The following TMEM217B variants were observed in gnomAD, a reference collection of about 807,000 sequenced individuals.
TMEM217B encodes the protein putative transmembrane protein 217B.
the TMEM217B span, among the ~76,000 whole-genome samples, chr6:37,229,283 C>T: frequency 6.8e-6 from 1 of 148,130 alleles, no homozygotes; most frequent in Non-Finnish European, 1.5e-5. Context: ...TGTGGGAGGT[C>T]GCTCTTCAAC....
chr6:37,238,325 T>C, the TMEM217B span, among the ~76,000 whole-genome samples: 2 of 152,220 alleles, frequency 1.3e-5, no homozygotes, highest in African/African-American at 2.4e-5. Context: ...ATTTTTACTT[T>C]ATGCCAAGGA....
At chr6:37,251,194 T>C in the TMEM217B span, among the ~76,000 whole-genome samples, 2 of 152,372 alleles carry the variant, frequency 1.3e-5, no homozygotes, top group South Asian at 4.1e-4. Flanking sequence ...TTTTGTTTTT[T>C]ATTTTTTCAT....
the TMEM217B span, among the ~76,000 whole-genome samples, chr6:37,244,096 C>T: frequency 6.6e-6 from 1 of 152,238 alleles, no homozygotes; most frequent in East Asian, 1.9e-4. Context: ...TTTAGTAGAA[C>T]TCAGGCCCCT....
At chr6:37,221,652 AT>A in the TMEM217B span, among the ~76,000 whole-genome samples, 2 of 152,370 alleles carry the variant, frequency 1.3e-5, no homozygotes, top group South Asian at 4.1e-4. Context: ...ACCATAGAAA[AT>A]GACCTAGTGT....
At chr6:37,226,257 TTTA>T in the TMEM217B span, among the ~76,000 whole-genome samples, 1 of 150,174 alleles carries the variant, frequency 6.7e-6, no homozygotes, top group Non-Finnish European at 1.5e-5. Flanking sequence ...TTTGTTTTGT[TTTA>T]TTTTGTTTTT....
the TMEM217B span, among the ~76,000 whole-genome samples, chr6:37,233,788 A>T: frequency 1.3e-5 from 2 of 152,152 alleles, no homozygotes; most frequent in African/African-American, 4.8e-5. Flanking sequence ...GTTACTAACT[A>T]ACTAACTAAC....
At chr6:37,213,646 T>A in the TMEM217B span, among the ~76,000 whole-genome samples, 1 of 152,204 alleles carries the variant, frequency 6.6e-6, no homozygotes, top group Non-Finnish European at 1.5e-5. Context: ...GACCTCCAGC[T>A]GCAACCTAGG....
At chr6:37,217,518 C>T in the TMEM217B span, 1 of 526,508 alleles carries the variant, frequency 1.9e-6, no homozygotes, top group Non-Finnish European at 2.4e-6. Context: ...GTTCACACTA[C>T]AGAGTACAGC....
the TMEM217B span, chr6:37,212,643 C>G: frequency 1.8e-6 from 1 of 541,204 alleles, no homozygotes; most frequent in Non-Finnish European, 3.6e-6. Flanking sequence ...CTTTGATGAT[C>G]CCGTTGAGGA....
At chr6:37,253,944 T>C in the TMEM217B span, among the ~76,000 whole-genome samples, 2 of 152,242 alleles carry the variant, frequency 1.3e-5, no homozygotes, top group African/African-American at 4.8e-5. Context: ...CCCTTAACTA[T>C]ACTTTGCCAC....
At chr6:37,242,297 A>G in the TMEM217B span, among the ~76,000 whole-genome samples, 1 of 152,250 alleles carries the variant, frequency 6.6e-6, no homozygotes, top group Admixed American at 6.5e-5. Context: ...CACGGTGGGC[A>G]GAACCTGTAC....
chr6:37,243,288 G>A, the TMEM217B span, among the ~76,000 whole-genome samples: 2 of 152,154 alleles, frequency 1.3e-5, no homozygotes, highest in Admixed American at 6.6e-5. Flanking sequence ...CCAGAATAAG[G>A]TTTACGTTTT....
chr6:37,253,324 A>G, the TMEM217B span, among the ~76,000 whole-genome samples: 43 of 152,046 alleles, frequency 2.8e-4, no homozygotes, highest in African/African-American at 9.9e-4. Flanking sequence ...GTACACAGAG[A>G]TTTCCCCCTT....
the TMEM217B span, among the ~76,000 whole-genome samples, chr6:37,215,778 T>G: frequency 1.3e-5 from 2 of 151,806 alleles, no homozygotes; most frequent in Admixed American, 6.6e-5. Context: ...GGGCATTAAC[T>G]AGGCAGAAAA....
chr6:37,231,446 A>G, the TMEM217B span, among the ~76,000 whole-genome samples: 3 of 150,480 alleles, frequency 2.0e-5, no homozygotes, highest in Admixed American at 6.6e-5. Context: ...AGGCCGAGGC[A>G]GGCGGATCAT....
chr6:37,220,226 A>G, the TMEM217B span, among the ~76,000 whole-genome samples: 1 of 152,366 alleles, frequency 6.6e-6, no homozygotes, highest in African/African-American at 2.4e-5. Flanking sequence ...GTTTAAAAAT[A>G]TAAAGTATAG....
the TMEM217B span, among the ~76,000 whole-genome samples, chr6:37,250,395 A>G: frequency 2.0e-5 from 3 of 152,332 alleles, no homozygotes; most frequent in Admixed American, 2.0e-4. Context: ...TTAGTTTTAT[A>G]CATTCTCTTG....
chr6:37,230,103 C>T, the TMEM217B span, among the ~76,000 whole-genome samples: 1 of 152,238 alleles, frequency 6.6e-6, no homozygotes, highest in Non-Finnish European at 1.5e-5. Flanking sequence ...CCTTCCAGGC[C>T]TTGCTCCTGA....
chr6:37,241,929 G>A, the TMEM217B span, among the ~76,000 whole-genome samples: 11 of 151,494 alleles, frequency 7.3e-5, no homozygotes, highest in African/African-American at 1.5e-4. Flanking sequence ...GCTTTATCGC[G>A]TTGTCTTTAT....
Sources: allele counts gnomAD v4.1 joint callset (sites outside exome capture counted in the v4.1 genomes callset), GRCh38; gene constraint gnomAD v4.1.1; transcripts MANE v1.5; gene names NCBI Gene and HGNC (gene_info 2026-07-23, HGNC 2026-07-21).